PRRC2C: variants seen among roughly 807,000 people sequenced by gnomAD.
PRRC2C encodes proline rich coiled-coil 2C.
PRRC2C carries 72 observed loss-of-function variants against 317.2 expected under a neutral mutation model. The ratio of observed to expected loss-of-function variants is 0.23; its 90% CI spans 0.19 to 0.28. The LOEUF (loss-of-function observed/expected upper bound fraction) is 0.28. Among genes scored for constraint, PRRC2C ranks in the 10% least tolerant of loss-of-function variants. The pLI, the probability that PRRC2C is intolerant of heterozygous loss-of-function variation, is 1.00. For synonymous variants in PRRC2C, 1,296 were observed against 1,205.9 expected, an observed-to-expected ratio of 1.07 and a Z score of -1.55; for missense variants, 3,074 against 3,459.7, an observed-to-expected ratio of 0.89 and a Z score of 2.80.
At chr1:171,572,964 GCATAGAAAAGTTATATTA>G (rs1685035388) in intron 24 of PRRC2C, among the ~76,000 whole-genome samples, 3 of 152,036 alleles carry the variant, frequency 2.0e-5, no homozygotes, top group Admixed American at 1.3e-4. Context: ...AATACATAAA[GCATAGAAAAGTTATATTA>G]CACAGTAAAT....
chr1:171,490,312 A>T (rs997609273), intron 1 of PRRC2C, among the ~76,000 whole-genome samples: 3 of 152,230 alleles, frequency 2.0e-5, no homozygotes, highest in African/African-American at 7.2e-5. Flanking sequence ...TGGATCACTT[A>T]AAATCATCCA....
intron 33 of PRRC2C, 39 bp from the exon 34 acceptor site, chr1:171,589,330 T>TTTA: frequency 2.9e-6 from 2 of 691,956 alleles, no homozygotes; most frequent in Non-Finnish European, 4.1e-6. Context: ...TTTTTTTTTT[T>TTTA]AACAGTTCAA....
At chr1:171,512,398 C>A in intron 2 of PRRC2C, 198 bp downstream of exon 2, 1 of 457,274 alleles carries the variant, frequency 2.2e-6, no homozygotes, top group South Asian at 1.9e-5. Flanking sequence ...TTCATAGAGC[C>A]CTTTAAAAAT....
chr1:171,553,976 A>G (rs189917560), intron 18 of PRRC2C, among the ~76,000 whole-genome samples: 3 of 152,298 alleles, frequency 2.0e-5, no homozygotes, highest in East Asian at 3.9e-4. Flanking sequence ...GTAGATGTCT[A>G]TTAGGTCTGC....
chr1:171,493,305 C>T (rs553288727), intron 1 of PRRC2C, among the ~76,000 whole-genome samples: 1 of 152,152 alleles, frequency 6.6e-6, no homozygotes, highest in African/African-American at 2.4e-5. Flanking sequence ...CTCTTTCACT[C>T]TCATAACATT....
chr1:171,492,270 G>A (rs1441232422), intron 1 of PRRC2C, among the ~76,000 whole-genome samples: 1 of 152,180 alleles, frequency 6.6e-6, no homozygotes, highest in Admixed American at 6.5e-5. Flanking sequence ...ATTAAAGAGG[G>A]ATGGAAAAAG....
chr1:171,580,099 G>A (rs1648175921), intron 28 of PRRC2C, 135 bp downstream of exon 28: 3 of 702,132 alleles, frequency 4.3e-6, no homozygotes, highest in Non-Finnish European at 6.1e-6. Flanking sequence ...GGCTAATTGA[G>A]CATGTTGATT....
chr1:171,584,333 G>T, intron 29 of PRRC2C, 86 bp from the exon 30 acceptor site: 1 of 1,372,972 alleles, frequency 7.3e-7, no homozygotes. Flanking sequence ...AAAATTGCTA[G>T]ACATTGCTTT....
intron 1 of PRRC2C, among the ~76,000 whole-genome samples, chr1:171,503,426 A>T (rs908087049): frequency 3.3e-5 from 5 of 151,946 alleles, no homozygotes; most frequent in Non-Finnish European, 5.9e-5. Flanking sequence ...TGGGAGGCTG[A>T]GGCAGGAGAA....
At chr1:171,522,328 G>T (rs1468425642) in intron 7 of PRRC2C, 69 bp downstream of exon 7, 3 of 1,078,268 alleles carry the variant, frequency 2.8e-6, no homozygotes, top group African/African-American at 1.6e-5. Context: ...AGGTTGAGTG[G>T]ATTGTGTGAT....
chr1:171,582,343 A>G (rs1471713392), intron 28 of PRRC2C, among the ~76,000 whole-genome samples: 1 of 152,220 alleles, frequency 6.6e-6, no homozygotes, highest in Non-Finnish European at 1.5e-5. Flanking sequence ...CCTTGTATAC[A>G]GGGCTTTAAA....
At position 171,550,215 on chromosome 1, in the gene PRRC2C, G is replaced by A. The variant is rs1448336392; in HGVS notation, c.5102G>A (p.Arg1701Gln). The A allele has an allele frequency of 6.2e-7, 1 of 1,600,298 alleles. No homozygotes were observed. Residue 1701 changes from arginine to glutamine, a missense_variant, in exon 18 of 35, where the codon CGA becomes CAA. Arg to Gln is a conservative substitution (Grantham distance 43). Transcript: ENST00000647382. ...QQKRLQDEERRKKEEQVIQVW... is the reference protein window; with the variant it reads ...QQKRLQDEERQKKEEQVIQVW... ...AAACGTTTACAGGATGAAGAACGCC[G>A]AAAGAAGGAAGAACAAGTCATACAG...
chr1:171,588,602 T>C, intron 33 of PRRC2C, 97 bp downstream of exon 33: 2 of 1,294,902 alleles, frequency 1.5e-6, no homozygotes, highest in East Asian at 5.2e-5. Flanking sequence ...AGTTAAGAAG[T>C]ACAGTTTTTA....
In PRRC2C at chr1:171,560,743, CTT is replaced by C. The variant is rs1414395135; in HGVS notation, c.6032-272_6032-271del. Among the ~76,000 whole-genome samples the C allele has an allele frequency of 2.6e-5, 4 of 152,188 alleles. No individual in the cohort carries two copies. The South Asian group carries it at 8.3e-4, about 32-fold the overall frequency. ...AGACTGTAGTATAATGTAAACATAA[CTT>C]TTGATATGCACTTGGAAACCAGAAA... On this transcript the variant is annotated intron_variant, in intron 19 of 34. Coordinates refer to ENST00000647382, the MANE Select transcript of PRRC2C (RefSeq NM_001387844.1).
chr1:171,499,926 T>A (rs932731259), intron 1 of PRRC2C, among the ~76,000 whole-genome samples: 17 of 152,364 alleles, frequency 1.1e-4, no homozygotes, highest in Admixed American at 6.5e-4. Context: ...ACTTTTATAT[T>A]TATATGTGAT....
chr1:171,530,399 A>G (rs921855423), intron 11 of PRRC2C, among the ~76,000 whole-genome samples: 2 of 151,664 alleles, frequency 1.3e-5, no homozygotes, highest in Non-Finnish European at 2.9e-5. Flanking sequence ...ATGTGCCTCT[A>G]TGCCCGGCTA....
chr1:171,556,527 C>G (rs1488108195), intron 18 of PRRC2C, among the ~76,000 whole-genome samples: 3 of 152,212 alleles, frequency 2.0e-5, no homozygotes, highest in African/African-American at 7.2e-5. Flanking sequence ...GAGCTGCAGA[C>G]TGGAGCTGTT....
At chr1:171,577,713 ACCCTTTCAGCTAAGCAT>A in intron 26 of PRRC2C, 76 bp downstream of exon 26, 1 of 1,331,582 alleles carries the variant, frequency 7.5e-7, no homozygotes, top group Non-Finnish European at 1.1e-6. Flanking sequence ...GTCTCTTCTT[ACCCTTTCAGCTAAGCAT>A]AAGGCTCTTA....
intron 2 of PRRC2C, chr1:171,512,571 G>A: frequency 5.2e-6 from 1 of 192,996 alleles, no homozygotes; most frequent in Non-Finnish European, 1.1e-5. Context: ...GTGTGTGGGG[G>A]TGTGTGTGTG....
Sources: gnomAD v4.1 joint callset for allele counts (sites outside exome capture counted in the v4.1 genomes callset) on GRCh38, gnomAD v4.1.1 for gene constraint, MANE v1.5 for transcripts, NCBI Gene and HGNC (gene_info 2026-07-23, HGNC 2026-07-21) for gene names.